The following ANKRD17 variants were observed in gnomAD, a reference collection of about 807,000 sequenced individuals.
ANKRD17 encodes ankyrin repeat domain 17.
In ANKRD17, 19 loss-of-function variants were observed where a neutral mutation model predicts 229.7. The observed-to-expected ratio is 0.08, with a 90% CI of 0.06 to 0.12. ANKRD17 has a LOEUF of 0.12. Ranked by LOEUF, ANKRD17 falls within the 10% of genes least tolerant of loss-of-function variation. The pLI, the probability that ANKRD17 is intolerant of heterozygous loss-of-function variation, is 1.00. For synonymous variants in ANKRD17, 1,112 were observed against 1,146.1 expected (o/e 0.97, Z 0.60); for missense variants, 2,176 against 3,176.8 (o/e 0.68, Z 7.57).
In ANKRD17 at chr4:73,121,037, T is replaced by A; in HGVS notation, c.3693A>T (p.Thr1231=). ...PLMLAAMNGH[T]AAVKLLLDMG... ...TGTCTAACAGGAGCTTAACAGCAGC[T>A]GTATGCCCATTCATAGCTGCTAACA... Residue 1231 remains threonine (T), a synonymous_variant, in exon 20 of 34, where the codon ACA becomes ACT. Transcript: ENST00000358602. 1 of 1,613,960 alleles carries A rather than the reference T, an allele frequency of 6.2e-7. No individual in the cohort carries two copies. The highest frequency in any genetic ancestry group is 8.5e-7 in the Non-Finnish European group (1 of 1,179,900).
chr4:73,229,106 G>A (rs1413278838), intron 1 of ANKRD17, among the ~76,000 whole-genome samples: 1 of 152,102 alleles, frequency 6.6e-6, no homozygotes, highest in African/African-American at 2.4e-5. Context: ...ACACAGGAAG[G>A]GGAACATCAC....
chr4:73,160,232 T>G (rs959337082), intron 3 of ANKRD17, among the ~76,000 whole-genome samples: 12 of 147,602 alleles, frequency 8.1e-5, no homozygotes, highest in Non-Finnish European at 1.8e-4. Context: ...TTTTTTTTTT[T>G]TTTGAGATGG....
intron 18 of ANKRD17, among the ~76,000 whole-genome samples, chr4:73,123,199 G>GA (rs1314828339): frequency 2.6e-5 from 4 of 151,654 alleles, no homozygotes; most frequent in African/African-American, 9.7e-5. Flanking sequence ...ACTCAATATT[G>GA]AAAAAATCTG....
intron 30 of ANKRD17, among the ~76,000 whole-genome samples, chr4:73,081,627 G>C (rs1192032652): frequency 6.6e-6 from 1 of 152,214 alleles, no homozygotes; most frequent in Non-Finnish European, 1.5e-5. Flanking sequence ...GGATGGGGCA[G>C]ATCTAGGTTT....
At chr4:73,129,420 G>C (rs1287893061) in intron 16 of ANKRD17, among the ~76,000 whole-genome samples, 1 of 152,142 alleles carries the variant, frequency 6.6e-6, no homozygotes, top group Non-Finnish European at 1.5e-5. Context: ...TGAACTGTGT[G>C]AAGTGTCTTT....
At chr4:73,187,636 T>G (rs1319857884) in intron 1 of ANKRD17, among the ~76,000 whole-genome samples, 1 of 152,214 alleles carries the variant, frequency 6.6e-6, no homozygotes, top group Non-Finnish European at 1.5e-5. Flanking sequence ...TGAGCACCAA[T>G]GCTTGGGCCT....
chr4:73,098,954 C>G (rs1578040687), intron 25 of ANKRD17: 1 of 992,392 alleles, frequency 1.0e-6, no homozygotes. Context: ...GGTAGGGAGT[C>G]AGAAGGAGCC....
chr4:73,142,648 G>A lies in ANKRD17; in HGVS notation c.2077C>T (p.Arg693Cys), dbSNP rs1406817744. 9 of 1,613,764 alleles carry A rather than the reference G, an allele frequency of 5.6e-6. No individual in the cohort carries two copies. Among genetic ancestry groups the A allele is most frequent in the Admixed American group, 1.7e-5 (1 of 59,950 alleles). Residue 693 changes from arginine to cysteine, a missense_variant, in exon 12 of 34, where the codon CGT becomes TGT. Transcript: ENST00000358602. ...LLAHGADPTHRLKDGSTMLIE... is the reference protein window; with the variant it reads ...LLAHGADPTHCLKDGSTMLIE... ...ACATTTGAGTTACATACTTTCAAAC[G>A]GTGAGTAGGATCTGCCCCATGAGCC...
intron 1 of ANKRD17, among the ~76,000 whole-genome samples, chr4:73,226,127 C>T (rs1742467082): frequency 6.6e-6 from 1 of 151,266 alleles, no homozygotes; most frequent in African/African-American, 2.4e-5. Context: ...AGGCGCGTGC[C>T]ACCACGCCCA....
chr4:73,077,386 G>A lies in ANKRD17; in HGVS notation c.7556C>T (p.Pro2519Leu). The change falls in exon 32 of 34, where the codon CCT becomes CTT. Residue 2519 changes from proline to leucine, a missense_variant. Coordinates refer to ENST00000358602, the MANE Select transcript of ANKRD17 (RefSeq NM_032217.5). ...TTTAGGAAAGTCCATGTAGCCTGCA[G>A]GAACATGCTGATGGAATGTACCAGA... ...TPSGTFHQHV[P>L]AGYMDFPKVG... 10 of 1,613,018 alleles carry A rather than the reference G, an allele frequency of 6.2e-6. No individual in the cohort carries two copies. Among genetic ancestry groups the A allele is most frequent in the Non-Finnish European group, 8.5e-6 (10 of 1,179,616 alleles).
chr4:73,138,870 A>C (rs1729248643), intron 15 of ANKRD17, among the ~76,000 whole-genome samples: 1 of 152,078 alleles, frequency 6.6e-6, no homozygotes, highest in Non-Finnish European at 1.5e-5. Context: ...AATCGAATAA[A>C]ATTTATCTGG....
rs377570971 is a variant in ANKRD17, at chr4:73,258,447, G to C, written c.222C>G (p.Ala74=). 34 of 1,609,334 alleles carry C rather than the reference G, an allele frequency of 2.1e-5. No individual in the cohort carries two copies. Among genetic ancestry groups the C allele is most frequent in the Admixed American group, 5.0e-5 (3 of 59,604 alleles). ...KKPPQQQHHK[A]KRNRTCRPPS... is the part of the protein sequence containing the mutation. ...GGGGTCGGCAAGTCCGGTTACGCTT[G>C]GCCTTGTGGTGCTGCTGCTGCGGCG... Residue 74 remains alanine, a synonymous_variant, in exon 1 of 34, where the codon GCC becomes GCG. Transcript: ENST00000358602.
chr4:73,197,723 C>T (rs1738090112), intron 1 of ANKRD17, among the ~76,000 whole-genome samples: 1 of 151,990 alleles, frequency 6.6e-6, no homozygotes, highest in Non-Finnish European at 1.5e-5. Context: ...ATAGTCCCAG[C>T]TACTCAGGGG....
At chr4:73,240,069 G>C (rs976853810) in intron 1 of ANKRD17, among the ~76,000 whole-genome samples, 1 of 151,966 alleles carries the variant, frequency 6.6e-6, no homozygotes, top group Non-Finnish European at 1.5e-5. Flanking sequence ...AAGAACATTG[G>C]AAAGATAGTG....
chr4:73,125,191 T>C lies in ANKRD17; in HGVS notation c.3346+10A>G. 6.3e-7 allele frequency: 1 copy of C among 1,595,208 alleles called. No homozygotes were observed. Among genetic ancestry groups the C allele is most frequent in the Non-Finnish European group, 8.5e-7 (1 of 1,174,374 alleles). On this transcript the variant is annotated intron_variant, in intron 17 of 33. Transcript: ENST00000358602. ...AGTATTCCAAAAAATAAAACAAAAG[T>C]AGGCCCTACCTTTCTTGTCTCGGTG...
intron 5 of ANKRD17, 87 bp downstream of exon 5, chr4:73,155,544 A>C: frequency 6.7e-7 from 1 of 1,482,292 alleles, no homozygotes; most frequent in African/African-American, 1.4e-5. Flanking sequence ...GAACTGAAAA[A>C]TTAGCACTAA....
chr4:73,092,909 A>G (rs946001088), intron 28 of ANKRD17, among the ~76,000 whole-genome samples: 5 of 152,216 alleles, frequency 3.3e-5, no homozygotes, highest in South Asian at 2.1e-4. Context: ...TGCCAAAAAT[A>G]GCCATATAAA....
chr4:73,116,011 C>T, intron 22 of ANKRD17, 95 bp from the exon 23 acceptor site: 1 of 987,798 alleles, frequency 1.0e-6, no homozygotes. Context: ...ATTAGGGCCA[C>T]AAAGTAAAGA....
chr4:73,224,022 C>G (rs974763744), intron 1 of ANKRD17, among the ~76,000 whole-genome samples: 2 of 152,046 alleles, frequency 1.3e-5, no homozygotes, highest in African/African-American at 4.8e-5. Context: ...GAGGCTGAGG[C>G]GAGCAGATCA....
Sources: gnomAD v4.1 joint callset for allele counts (sites outside exome capture counted in the v4.1 genomes callset) on GRCh38, gnomAD v4.1.1 for gene constraint, MANE v1.5 for transcripts, NCBI Gene and HGNC (gene_info 2026-07-23, HGNC 2026-07-21) for gene names.